The following PACS1 variants were observed in gnomAD, a reference collection of about 807,000 sequenced individuals.
PACS1 encodes PACS-1.
Under a neutral mutation model 115.0 loss-of-function variants are expected in PACS1, and 24 were observed. The observed-to-expected ratio is 0.21, with a 90% CI of 0.15 to 0.29. The LOEUF (loss-of-function observed/expected upper bound fraction) is 0.29, where lower values mean the gene tolerates loss of function less well. Among genes scored for constraint, PACS1 ranks in the 10% least tolerant of loss-of-function variants. The pLI is 1.00. For synonymous variants in PACS1, 453 were observed against 504.5 expected (o/e 0.90, Z 1.37); for missense variants, 838 against 1,251.2 (o/e 0.67, Z 4.98).
chr11:66,073,155 C>G (rs1360257316), intron 1 of PACS1, among the ~76,000 whole-genome samples: 1 of 152,204 alleles, frequency 6.6e-6, no homozygotes, highest in African/African-American at 2.4e-5. Context: ...CTCCTCACTC[C>G]TTGTGGAACA....
At chr11:66,218,509 A>G (rs1199974542) in intron 7 of PACS1, 1 of 152,202 alleles carries the variant, frequency 6.6e-6, no homozygotes, top group Non-Finnish European at 1.5e-5. Flanking sequence ...GGGTTTTTTA[A>G]AATAAAACTT....
chr11:66,139,707 G>A (rs1238081951), intron 1 of PACS1, among the ~76,000 whole-genome samples: 4 of 152,004 alleles, frequency 2.6e-5, no homozygotes, highest in African/African-American at 9.7e-5. Flanking sequence ...TGGCCAAATA[G>A]TACTCCATTG....
chr11:66,145,690 G>C (rs1172000047), intron 1 of PACS1, among the ~76,000 whole-genome samples: 1 of 152,200 alleles, frequency 6.6e-6, no homozygotes, highest in African/African-American at 2.4e-5. Flanking sequence ...TGACAGGGCT[G>C]ATCCGAAAGG....
At chr11:66,220,541 A>G in intron 8 of PACS1, 90 bp from the exon 9 acceptor site, 2 of 1,262,798 alleles carry the variant, frequency 1.6e-6, no homozygotes, top group African/African-American at 1.5e-5. Context: ...AAGCAGGACT[A>G]TAAGGGCAGC....
chr11:66,154,596 TAAGTA>T (rs1859312981), intron 1 of PACS1, among the ~76,000 whole-genome samples: 2 of 152,182 alleles, frequency 1.3e-5, no homozygotes, highest in South Asian at 4.1e-4. Context: ...AAAAAAATTT[TAAGTA>T]TAGTATTCCA....
chr11:66,226,008 C>T (rs1356639051), intron 10 of PACS1, among the ~76,000 whole-genome samples: 1 of 152,134 alleles, frequency 6.6e-6, no homozygotes, highest in Non-Finnish European at 1.5e-5. Context: ...GCTGTCTCTA[C>T]CAAAAATACA....
intron 21 of PACS1, chr11:66,241,072 C>CGT (rs1284881027): frequency 9.7e-4 from 157 of 161,620 alleles, no homozygotes; most frequent in African/African-American, 2.1e-3. Context: ...GCCTGCTGGG[C>CGT]GTGTATGTGT....
intron 1 of PACS1, among the ~76,000 whole-genome samples, chr11:66,129,354 C>T (rs1392372457): frequency 6.6e-6 from 1 of 151,238 alleles, no homozygotes; most frequent in East Asian, 1.9e-4. Context: ...ATCACTTGTA[C>T]CTGGAAGGTG....
chr11:66,111,634 AT>A (rs1283214184), intron 1 of PACS1, among the ~76,000 whole-genome samples: 1 of 152,018 alleles, frequency 6.6e-6, no homozygotes, highest in Admixed American at 6.6e-5. Flanking sequence ...ATTATCCCAG[AT>A]TATTATTCTT....
chr11:66,232,269 A>G lies in PACS1; in HGVS notation c.1724A>G (p.Gln575Arg). ...ATTCTGGTGAACACCACTGACTGGC[A>G]GGGCCAGGTAAGTGCTGAAACTGCG... ...NVILVNTTDWQGQYVAELLQD... is the reference protein window; with the variant it reads ...NVILVNTTDWRGQYVAELLQD... The change falls in exon 14 of 24, where the codon CAG (glutamine) becomes CGG (arginine). Residue 575 changes from glutamine (Q) to arginine (R), a missense_variant. Physicochemically the swap from Gln to Arg is conservative, Grantham distance 43 (BLOSUM62 1). Coordinates refer to ENST00000320580, the MANE Select transcript of PACS1 (RefSeq NM_018026.4). The G allele has an allele frequency of 6.2e-7, 1 of 1,602,638 alleles. No individual in the cohort carries two copies. The highest frequency in any genetic ancestry group is 1.1e-5 in the South Asian group (1 of 90,872).
intron 8 of PACS1, chr11:66,220,420 G>A (rs1029136782): frequency 1.1e-5 from 6 of 566,000 alleles, no homozygotes; most frequent in Admixed American, 3.1e-5. Context: ...AGTGTGGAGC[G>A]GTGGCAGGAA....
chr11:66,229,079 A>G (rs1855526177), intron 11 of PACS1, among the ~76,000 whole-genome samples: 1 of 151,790 alleles, frequency 6.6e-6, no homozygotes, highest in Middle Eastern at 3.2e-3. Context: ...AGGCCCCACT[A>G]AAGAATCAGA....
At chr11:66,082,208 TC>T (rs1226679302) in intron 1 of PACS1, among the ~76,000 whole-genome samples, 1 of 151,998 alleles carries the variant, frequency 6.6e-6, no homozygotes, top group Non-Finnish European at 1.5e-5. Flanking sequence ...ACAACTGCTT[TC>T]TTTAGTTTTT....
chr11:66,097,577 A>G (rs1857814196), intron 1 of PACS1, among the ~76,000 whole-genome samples: 1 of 152,220 alleles, frequency 6.6e-6, no homozygotes. Flanking sequence ...GGACCCAGCT[A>G]AACTGTGCCT....
rs10791859 is a variant in PACS1 at position 66,210,982 on chromosome 11, C to T, written c.535-152C>T. ...CAGGCATCAAGCCGAATCAGCTCCA[C>T]CAGCAGCAACTTCATGGCTCTCCTT... On this transcript the variant is annotated intron_variant, in intron 3 of 23. Transcript: ENST00000320580. The T allele has an allele frequency of 0.19, 164,028 of 848,184 alleles. 16,764 individuals are homozygous for T. The highest frequency in any genetic ancestry group is 0.25 in the East Asian group (9,754 of 38,634). 52.5% of individuals were successfully genotyped at this position (848,184 alleles called of 1,614,324 possible).
chr11:66,216,908 C>T (rs567208729), intron 7 of PACS1, 133 bp downstream of exon 7: 3 of 646,108 alleles, frequency 4.6e-6, no homozygotes, highest in East Asian at 3.0e-5. Context: ...TTCCAATGAA[C>T]GCTCTATATC....
At chr11:66,086,655 C>G (rs150099266) in intron 1 of PACS1, among the ~76,000 whole-genome samples, 1 of 152,044 alleles carries the variant, frequency 6.6e-6, no homozygotes, top group African/African-American at 2.4e-5. Context: ...TCATTCTGTC[C>G]GCCAGGCTGG....
chr11:66,232,062 TTCTC>T (rs1461093753), intron 13 of PACS1, 106 bp from the exon 14 acceptor site: 4 of 668,630 alleles, frequency 6.0e-6, no homozygotes, highest in Admixed American at 2.5e-5. Flanking sequence ...CTGATATCTG[TTCTC>T]TCTAACACCC....
chr11:66,220,471 T>C, intron 8 of PACS1, 160 bp from the exon 9 acceptor site: 1 of 672,330 alleles, frequency 1.5e-6, no homozygotes, highest in Non-Finnish European at 2.5e-6. Flanking sequence ...GCCCTCAGGC[T>C]GGATCATGGA....
Sources: allele counts gnomAD v4.1 joint callset (sites outside exome capture counted in the v4.1 genomes callset), GRCh38; gene constraint gnomAD v4.1.1; transcripts MANE v1.5; gene names NCBI Gene and HGNC (gene_info 2026-07-23, HGNC 2026-07-21).